Variants in SRGAP1 observed in about 807,000 individuals in gnomAD.
SRGAP1 encodes SLIT-ROBO Rho GTPase-activating protein 1.
In SRGAP1, 43 loss-of-function variants were observed where a neutral mutation model predicts 121.9. The observed-to-expected ratio is 0.35, with a 90% CI of 0.28 to 0.46. The LOEUF (loss-of-function observed/expected upper bound fraction) is 0.46. Ranked by LOEUF, SRGAP1 falls within the 20% of genes least tolerant of loss-of-function variation. The probability of loss-of-function intolerance (pLI) is 1.00; values close to 1 mark genes in which losing one functional copy is unlikely to be tolerated. For synonymous variants in SRGAP1, 447 were observed against 485.4 expected, an observed-to-expected ratio of 0.92 and a Z score of 1.04; for missense variants, 1,102 against 1,350.9, an observed-to-expected ratio of 0.82 and a Z score of 2.89.
At chr12:64,141,581 G>T (rs116509070) in intron 21 of SRGAP1, among the ~76,000 whole-genome samples, 35 of 151,866 alleles carry the variant, frequency 2.3e-4, no homozygotes, top group Non-Finnish European at 3.4e-4. Context: ...CTGCATCTTG[G>T]GGGGGGAAAA....
intron 3 of SRGAP1, among the ~76,000 whole-genome samples, chr12:63,991,443 A>C (rs1049838444): frequency 6.6e-6 from 1 of 152,214 alleles, no homozygotes; most frequent in African/African-American, 2.4e-5. Context: ...ATGCTCCATT[A>C]AATAGAAAAA....
At position 63,889,347 on chromosome 12, in the gene SRGAP1, T is replaced by C. The variant is rs1301732931; in HGVS notation, c.67+44464T>C. On this transcript the variant is annotated intron_variant, in intron 1 of 21. Coordinates refer to ENST00000355086, the MANE Select transcript of SRGAP1 (RefSeq NM_020762.4). ...CCTACCAGAGAGCTTTCACCTCCTT[T>C]CAGAATTCTGTGCTGGGAGGTGGAG... 3.3e-5 allele frequency among the ~76,000 whole-genome samples: 5 copies of C among 152,230 alleles called. No homozygotes were observed. In the East Asian group the frequency reaches 9.7e-4, roughly 29 times the overall value.
At chr12:64,090,146 T>G (rs1350043364) in intron 11 of SRGAP1, among the ~76,000 whole-genome samples, 1 of 152,152 alleles carries the variant, frequency 6.6e-6, no homozygotes, top group African/African-American at 2.4e-5. Flanking sequence ...TAGTAGAAGT[T>G]GAGTCAGGTA....
At chr12:64,088,670 G>A (rs550173406) in intron 11 of SRGAP1, among the ~76,000 whole-genome samples, 1 of 152,292 alleles carries the variant, frequency 6.6e-6, no homozygotes, top group South Asian at 2.1e-4. Flanking sequence ...ACTTTGATAA[G>A]CACTGAGGCA....
At chr12:64,039,976 T>C (rs1257178054) in intron 4 of SRGAP1, among the ~76,000 whole-genome samples, 1 of 152,172 alleles carries the variant, frequency 6.6e-6, no homozygotes. Context: ...CTGCCAGTGC[T>C]TTATATTTTA....
intron 1 of SRGAP1, among the ~76,000 whole-genome samples, chr12:63,962,351 C>A (rs2032666981): frequency 1.3e-5 from 2 of 152,160 alleles, no homozygotes; most frequent in African/African-American, 4.8e-5. Flanking sequence ...TTAAACAGTG[C>A]AGAATTACCA....
intron 3 of SRGAP1, among the ~76,000 whole-genome samples, chr12:64,009,266 C>T (rs1055617925): frequency 6.6e-6 from 1 of 152,128 alleles, no homozygotes; most frequent in African/African-American, 2.4e-5. Context: ...TTATTTACAT[C>T]AGCCACTGAG....
intron 12 of SRGAP1, 28 bp downstream of exon 12, chr12:64,091,406 G>T: frequency 2.0e-6 from 3 of 1,533,224 alleles, no homozygotes; most frequent in African/African-American, 2.7e-5. Flanking sequence ...CTGGGTGGCT[G>T]ATCTCCATGC....
chr12:64,093,985 CT>C (rs1469598157), intron 12 of SRGAP1, among the ~76,000 whole-genome samples: 1 of 152,138 alleles, frequency 6.6e-6, no homozygotes, highest in Non-Finnish European at 1.5e-5. Flanking sequence ...CCAACTTTTT[CT>C]TGCATTTCAA....
intron 4 of SRGAP1, among the ~76,000 whole-genome samples, chr12:64,028,985 A>G (rs1043503673): frequency 1.3e-5 from 2 of 152,100 alleles, no homozygotes; most frequent in Non-Finnish European, 2.9e-5. Context: ...CATTTTTCCA[A>G]CCTTACAGGT....
At chr12:63,851,903 AT>A (rs1899087432) in intron 1 of SRGAP1, among the ~76,000 whole-genome samples, 1 of 151,908 alleles carries the variant, frequency 6.6e-6, no homozygotes, top group Non-Finnish European at 1.5e-5. Flanking sequence ...TGAGGAAAAC[AT>A]TTATCACAGG....
At chr12:63,855,805 C>A (rs1193527238) in intron 1 of SRGAP1, among the ~76,000 whole-genome samples, 1 of 151,678 alleles carries the variant, frequency 6.6e-6, no homozygotes, top group Non-Finnish European at 1.5e-5. Context: ...TTTTCTCTTC[C>A]TTTTTATTTT....
At chr12:63,985,128 A>G (rs1047453874) in intron 2 of SRGAP1, among the ~76,000 whole-genome samples, 3 of 152,128 alleles carry the variant, frequency 2.0e-5, no homozygotes, top group African/African-American at 7.2e-5. Flanking sequence ...GACAGACCCA[A>G]CTGATATCTG....
At chr12:63,866,150 G>A (rs1271757724) in intron 1 of SRGAP1, among the ~76,000 whole-genome samples, 3 of 152,086 alleles carry the variant, frequency 2.0e-5, no homozygotes, top group African/African-American at 4.8e-5. Flanking sequence ...CCATAGAATC[G>A]TCGATGTTGT....
At chr12:63,989,363 A>G (rs775636854) in intron 2 of SRGAP1, among the ~76,000 whole-genome samples, 6 of 152,190 alleles carry the variant, frequency 3.9e-5, no homozygotes, top group Non-Finnish European at 7.3e-5. Flanking sequence ...ACAATGCAAT[A>G]AAGTTCTGAT....
chr12:63,848,125 C>T (rs1898962919), intron 1 of SRGAP1, among the ~76,000 whole-genome samples: 1 of 151,914 alleles, frequency 6.6e-6, no homozygotes, highest in South Asian at 2.1e-4. Flanking sequence ...CCTGCCTCAG[C>T]CTCTGGAGTA....
chr12:63,904,886 A>G (rs966340761), intron 1 of SRGAP1, among the ~76,000 whole-genome samples: 8 of 152,122 alleles, frequency 5.3e-5, no homozygotes, highest in Admixed American at 2.6e-4. Context: ...GTGAGTCACA[A>G]TTATGTCACT....
At chr12:63,881,689 T>A (rs572428793) in intron 1 of SRGAP1, among the ~76,000 whole-genome samples, 132 of 152,332 alleles carry the variant, frequency 8.7e-4, no homozygotes, top group African/African-American at 2.9e-3. Context: ...GTATGTAGAT[T>A]GTCAGTGTCC....
At chr12:64,033,604 G>C (rs545268104) in intron 4 of SRGAP1, among the ~76,000 whole-genome samples, 110 of 152,272 alleles carry the variant, frequency 7.2e-4, no homozygotes, top group African/African-American at 2.5e-3. Context: ...TGTTATCCCA[G>C]CTACTCTGGG....
Sources: allele counts gnomAD v4.1 joint callset (sites outside exome capture counted in the v4.1 genomes callset), GRCh38; gene constraint gnomAD v4.1.1; transcripts MANE v1.5; gene names NCBI Gene and HGNC (gene_info 2026-07-23, HGNC 2026-07-21).